The following NRG3 variants were observed in gnomAD, a reference collection of about 807,000 sequenced individuals.
The protein encoded by NRG3 is pro-neuregulin-3, membrane-bound isoform.
In NRG3, 31 loss-of-function variants were observed where a neutral mutation model predicts 66.9. The observed-to-expected ratio is 0.46, with a 90% CI of 0.35 to 0.63. The LOEUF (loss-of-function observed/expected upper bound fraction) is 0.63, where lower values mean the gene tolerates loss of function less well. NRG3 is among the 20% of genes least tolerant of loss of function. The pLI, the probability that NRG3 is intolerant of heterozygous loss-of-function variation, is 0.00. For missense variants in NRG3, 910 were observed against 878.9 expected, an observed-to-expected ratio of 1.04 and a Z score of -0.45; for synonymous variants, 393 against 359.4, an observed-to-expected ratio of 1.09 and a Z score of -1.06.
At chr10:82,911,274 C>A (rs1845295430) in intron 4 of NRG3, among the ~76,000 whole-genome samples, 1 of 151,720 alleles carries the variant, frequency 6.6e-6, no homozygotes, top group Non-Finnish European at 1.5e-5. Context: ...TTTTCATTAT[C>A]TTTAAGGGCA....
chr10:82,615,912 C>T (rs2048616073), intron 2 of NRG3, among the ~76,000 whole-genome samples: 1 of 152,112 alleles, frequency 6.6e-6, no homozygotes, highest in Admixed American at 6.6e-5. Flanking sequence ...CAGACTACTC[C>T]TGTGAGACAA....
intron 2 of NRG3, among the ~76,000 whole-genome samples, chr10:82,497,813 C>G (rs997933462): frequency 3.3e-5 from 5 of 152,162 alleles, no homozygotes; most frequent in African/African-American, 4.8e-5. Flanking sequence ...TTTAGGAGCA[C>G]TCATACTGCT....
intron 1 of NRG3, among the ~76,000 whole-genome samples, chr10:82,223,966 T>G (rs1175989587): frequency 6.6e-6 from 1 of 152,142 alleles, no homozygotes; most frequent in Admixed American, 6.6e-5. Flanking sequence ...AACCTCTGTC[T>G]TATCATGACA....
chr10:82,180,089 A>G (rs2073310611), intron 1 of NRG3, among the ~76,000 whole-genome samples: 1 of 151,860 alleles, frequency 6.6e-6, no homozygotes, highest in African/African-American at 2.4e-5. Context: ...TTGATTTTAT[A>G]TACTACAACT....
Position 82,956,393 on chromosome 10 carries a change from G to T in NRG3, c.1158-2556G>T, listed in dbSNP as rs575493001. 5.9e-4 allele frequency among the ~76,000 whole-genome samples: 89 copies of T among 151,962 alleles called. 1 individual carries two copies. The highest frequency in any genetic ancestry group is 2.1e-3 in the African/African-American group (87 of 41,270). On this transcript the variant is annotated intron_variant, in intron 5 of 8. Transcript: ENST00000372141. ...TGTTTTCTCTGTTCCCATTTTCTGGGTGAAGGAAGAAAGAGCAAAAAAGTG... is the reference window on the plus strand; with the variant it reads ...TGTTTTCTCTGTTCCCATTTTCTGGTTGAAGGAAGAAAGAGCAAAAAAGTG...
intron 3 of NRG3, among the ~76,000 whole-genome samples, chr10:82,758,542 T>C (rs2059171521): frequency 6.6e-6 from 1 of 152,062 alleles, no homozygotes. Context: ...AGACTCAATT[T>C]CCCCTGTTTA....
chr10:82,351,297 A>G (rs1589817184), intron 1 of NRG3, among the ~76,000 whole-genome samples: 1 of 152,230 alleles, frequency 6.6e-6, no homozygotes, highest in African/African-American at 2.4e-5. Context: ...AGAAGTTCAT[A>G]TAAAGACACA....
At chr10:82,816,524 G>C (rs2061711161) in intron 3 of NRG3, among the ~76,000 whole-genome samples, 1 of 152,196 alleles carries the variant, frequency 6.6e-6, no homozygotes, top group Non-Finnish European at 1.5e-5. Context: ...AATGCATGCT[G>C]ATTGGTCCAT....
chr10:82,269,385 G>A (rs1206134702), intron 1 of NRG3, among the ~76,000 whole-genome samples: 1 of 152,086 alleles, frequency 6.6e-6, no homozygotes, highest in Non-Finnish European at 1.5e-5. Flanking sequence ...GATGTTTCCT[G>A]GAAAAGTCTT....
chr10:82,500,097 T>C (rs1369696541), intron 2 of NRG3, among the ~76,000 whole-genome samples: 1 of 152,072 alleles, frequency 6.6e-6, no homozygotes, highest in Non-Finnish European at 1.5e-5. Context: ...AGTGAGGACA[T>C]ATTGAAAAAG....
At chr10:82,519,013 C>T (rs1003797095) in intron 2 of NRG3, among the ~76,000 whole-genome samples, 8 of 152,148 alleles carry the variant, frequency 5.3e-5, no homozygotes, top group Admixed American at 4.6e-4. Context: ...AGATGTTCAC[C>T]CCTGGCCTGT....
intron 2 of NRG3, among the ~76,000 whole-genome samples, chr10:82,392,896 A>ATTTTT (rs565734964): frequency 1.2e-4 from 18 of 149,854 alleles, no homozygotes; most frequent in African/African-American, 3.5e-4. Context: ...ATATATATAT[A>ATTTTT]TATTTTTTGC....
intron 3 of NRG3, among the ~76,000 whole-genome samples, chr10:82,785,826 T>C (rs2060336540): frequency 6.6e-6 from 1 of 152,002 alleles, no homozygotes; most frequent in African/African-American, 2.4e-5. Context: ...GTAAAGCATG[T>C]TTGAGAGAGA....
chr10:81,922,879 G>GA (rs1260670818), intron 1 of NRG3, among the ~76,000 whole-genome samples: 1 of 152,192 alleles, frequency 6.6e-6, no homozygotes, highest in Admixed American at 6.5e-5. Context: ...GAACAGCATG[G>GA]AGGGAGGATC....
In NRG3 at chr10:82,088,782, A is replaced by G. The variant is rs576936141; in HGVS notation, c.823+212619A>G. ...CGACTTTTCCCCAATACAGTTATTC[A>G]ATTTCTATATATGCTACCCTGACAG... On this transcript the variant is annotated intron_variant, in intron 1 of 8. Transcript: ENST00000372141. Among the ~76,000 whole-genome samples, 185 of 152,232 alleles carry G rather than the reference A, an allele frequency of 1.2e-3. 2 individuals carry two copies. The highest frequency in any genetic ancestry group is 4.3e-3 in the African/African-American group (180 of 41,508).
chr10:82,422,547 A>G (rs1025495746), intron 2 of NRG3, among the ~76,000 whole-genome samples: 5 of 152,054 alleles, frequency 3.3e-5, no homozygotes, highest in African/African-American at 1.2e-4. Context: ...ATTATCAGCA[A>G]TGCTTCTTAC....
intron 1 of NRG3, among the ~76,000 whole-genome samples, chr10:82,150,077 T>C (rs993779399): frequency 3.9e-5 from 6 of 152,006 alleles, no homozygotes; most frequent in African/African-American, 1.4e-4. Context: ...CATCAATCTA[T>C]TCCAGCCCTG....
Position 82,232,725 on chromosome 10 carries a change from G to A in NRG3, c.824-126014G>A, listed in dbSNP as rs896426758. 5.6e-6 allele frequency: 4 copies of A among 716,998 alleles called. No individual in the cohort carries two copies. In the African/African-American group the frequency reaches 7.0e-5, roughly 13 times the overall value. The allele number at this position is 716,998 out of a possible 1,614,324, so 44.4% of individuals were successfully genotyped here. On this transcript the variant is annotated intron_variant, in intron 1 of 8. Coordinates refer to ENST00000372141, the MANE Select transcript of NRG3 (RefSeq NM_001010848.4). ...CACAGGAGAGACTCGAGAAAATAAA[G>A]TATTTTCTACTCACAGGTCCTAGAG...
chr10:81,931,096 C>T (rs144494600), intron 1 of NRG3, among the ~76,000 whole-genome samples: 1 of 152,302 alleles, frequency 6.6e-6, no homozygotes, highest in African/African-American at 2.4e-5. Context: ...CAGCAAACTT[C>T]CCTGTTCATT....
Sources: allele counts gnomAD v4.1 joint callset (sites outside exome capture counted in the v4.1 genomes callset), GRCh38; gene constraint gnomAD v4.1.1; transcripts MANE v1.5; gene names NCBI Gene and HGNC (gene_info 2026-07-23, HGNC 2026-07-21).